The following PLCXD2 variants were observed in gnomAD, a reference collection of about 807,000 sequenced individuals.
PLCXD2 encodes the protein PI-PLC X domain-containing protein 2.
In PLCXD2, 21 loss-of-function variants were observed where a neutral mutation model predicts 28.6. The ratio of observed to expected loss-of-function variants is 0.73; its 90% CI spans 0.52 to 1.06. The LOEUF (loss-of-function observed/expected upper bound fraction) is 1.06. Ranked by LOEUF, PLCXD2 falls within the 50% of genes least tolerant of loss-of-function variation. PLCXD2 has a pLI of 0.00. For synonymous variants in PLCXD2, 140 were observed against 150.1 expected, an observed-to-expected ratio of 0.93 and a Z score of 0.49; for missense variants, 369 against 376.7, an observed-to-expected ratio of 0.98 and a Z score of 0.17.
intron 1 of PLCXD2, among the ~76,000 whole-genome samples, chr3:111,684,708 T>A (rs1417819072): frequency 1.3e-5 from 2 of 151,840 alleles, no homozygotes; most frequent in Non-Finnish European, 2.9e-5. Flanking sequence ...TGGGAAGGGT[T>A]TTAAGCATGC....
chr3:111,699,125 G>T (rs1009299042), intron 1 of PLCXD2, among the ~76,000 whole-genome samples: 1 of 152,144 alleles, frequency 6.6e-6, no homozygotes, highest in Non-Finnish European at 1.5e-5. Context: ...TCTTAAATAT[G>T]TGAAGTCAGG....
At chr3:111,710,212 A>G (rs1360391887) in intron 2 of PLCXD2, among the ~76,000 whole-genome samples, 1 of 152,176 alleles carries the variant, frequency 6.6e-6, no homozygotes, top group African/African-American at 2.4e-5. Context: ...CTATCTAAAC[A>G]AGTTTCTTCA....
chr3:111,712,611 C>G (rs891421527), intron 2 of PLCXD2, among the ~76,000 whole-genome samples: 1 of 152,294 alleles, frequency 6.6e-6, no homozygotes, highest in Middle Eastern at 3.4e-3. Flanking sequence ...CTGGTGCTCC[C>G]CAGCTCTGGG....
At chr3:111,719,887 C>T (rs7648126) in intron 3 of PLCXD2, among the ~76,000 whole-genome samples, 148,065 of 152,312 alleles carry the variant, frequency 0.97, 71,991 homozygotes, top group East Asian at 1. Context: ...TTTTATTGAG[C>T]GTAAACTTTA....
chr3:111,716,326 G>A (rs914991506), intron 3 of PLCXD2, among the ~76,000 whole-genome samples: 13 of 152,196 alleles, frequency 8.5e-5, no homozygotes, highest in Admixed American at 2.0e-4. Flanking sequence ...ACAACTGGTC[G>A]CTGGCACTGG....
At chr3:111,679,101 G>A (rs952490080) in intron 1 of PLCXD2, among the ~76,000 whole-genome samples, 6 of 152,070 alleles carry the variant, frequency 3.9e-5, no homozygotes, top group African/African-American at 1.4e-4. Context: ...CTAATTAGAA[G>A]AAATTTTAAA....
intron 3 of PLCXD2, among the ~76,000 whole-genome samples, chr3:111,714,632 C>A (rs1482773918): frequency 1.3e-5 from 2 of 152,168 alleles, no homozygotes; most frequent in African/African-American, 2.4e-5. Flanking sequence ...TTCCTCAGGG[C>A]AGAATTGAGC....
chr3:111,709,467 T>TAC (rs10655649), intron 2 of PLCXD2, among the ~76,000 whole-genome samples: 56,261 of 150,440 alleles, frequency 0.37, 12,988 homozygotes, highest in African/African-American at 0.65. Context: ...TGTGTGTATA[T>TAC]ACACACACAC....
intron 3 of PLCXD2, among the ~76,000 whole-genome samples, chr3:111,718,513 A>G (rs1023124054): frequency 1.4e-4 from 18 of 126,964 alleles, no homozygotes; most frequent in Admixed American, 4.1e-4. Flanking sequence ...AGATAGATAG[A>G]TAGATAGATA....
chr3:111,683,030 G>A (rs1940741197), intron 1 of PLCXD2, among the ~76,000 whole-genome samples: 1 of 152,166 alleles, frequency 6.6e-6, no homozygotes, highest in Non-Finnish European at 1.5e-5. Context: ...ACACAGATTT[G>A]TAAGATTCTT....
intron 1 of PLCXD2, among the ~76,000 whole-genome samples, chr3:111,678,546 ACTTT>A (rs947017212): frequency 7.9e-5 from 12 of 152,194 alleles, no homozygotes; most frequent in African/African-American, 1.9e-4. Flanking sequence ...TTTAAAAAAC[ACTTT>A]CTTTCTTATT....
intron 1 of PLCXD2, among the ~76,000 whole-genome samples, chr3:111,700,687 G>A (rs1014376638): frequency 4.3e-4 from 66 of 152,180 alleles, no homozygotes; most frequent in African/African-American, 1.5e-3. Context: ...TTTCAGGACT[G>A]TATAGACAGA....
At chr3:111,696,401 T>G (rs1940962795) in intron 1 of PLCXD2, among the ~76,000 whole-genome samples, 1 of 152,062 alleles carries the variant, frequency 6.6e-6, no homozygotes, top group African/African-American at 2.4e-5. Flanking sequence ...CAGGGAAGAG[T>G]CTTTGCAGCT....
At chr3:111,680,889 A>G (rs1244645003) in intron 1 of PLCXD2, among the ~76,000 whole-genome samples, 2 of 152,202 alleles carry the variant, frequency 1.3e-5, no homozygotes, top group African/African-American at 4.8e-5. Context: ...AAATTAATTC[A>G]TATAGTATGC....
intron 1 of PLCXD2, among the ~76,000 whole-genome samples, chr3:111,700,613 A>C (rs930201864): frequency 6.6e-6 from 1 of 152,284 alleles, no homozygotes; most frequent in Middle Eastern, 3.4e-3. Context: ...AGAAGAGGAA[A>C]AAAAAAATTT....
rs1472263379 is a variant in PLCXD2, at chr3:111,701,528, A to T, written c.164-6398A>T. Among the ~76,000 whole-genome samples, 2 of 152,198 alleles carry T rather than the reference A, an allele frequency of 1.3e-5. 1 individual carries two copies. Among genetic ancestry groups the T allele is most frequent in the Non-Finnish European group, 2.9e-5 (2 of 68,028 alleles). ...TGGTACCATATTGAAGACAATTCTA[A>T]ACCCCCAGTGTTGAGTTTGAGCTTT... On this transcript the variant is annotated intron_variant, in intron 1 of 4. Coordinates refer to ENST00000477665, the MANE Select transcript of PLCXD2 (RefSeq NM_001185106.1).
intron 1 of PLCXD2, among the ~76,000 whole-genome samples, chr3:111,704,204 G>C (rs1297958180): frequency 6.6e-6 from 1 of 152,162 alleles, no homozygotes; most frequent in Non-Finnish European, 1.5e-5. Context: ...TATTGCGGGG[G>C]GTAGTGGTTA....
chr3:111,699,799 C>A (rs1354334818), intron 1 of PLCXD2, among the ~76,000 whole-genome samples: 1 of 152,094 alleles, frequency 6.6e-6, no homozygotes, highest in African/African-American at 2.4e-5. Context: ...GATAAGGAAA[C>A]CAAGGCCTCC....
intron 2 of PLCXD2, among the ~76,000 whole-genome samples, chr3:111,711,653 C>T (rs966773754): frequency 1.3e-5 from 2 of 152,150 alleles, no homozygotes; most frequent in Non-Finnish European, 2.9e-5. Flanking sequence ...TTTATTTGTA[C>T]ATTAGTGGCT....
Sources: gnomAD v4.1 joint callset for allele counts (sites outside exome capture counted in the v4.1 genomes callset) on GRCh38, gnomAD v4.1.1 for gene constraint, MANE v1.5 for transcripts, NCBI Gene and HGNC (gene_info 2026-07-23, HGNC 2026-07-21) for gene names.